Variants in MAP4K4 observed in about 807,000 individuals in gnomAD.
MAP4K4 encodes mitogen-activated protein kinase kinase kinase kinase 4.
In MAP4K4, 38 loss-of-function variants were observed where a neutral mutation model predicts 189.6. The ratio of observed to expected loss-of-function variants is 0.20; its 90% CI spans 0.15 to 0.26. The LOEUF is 0.26. MAP4K4 is among the 10% of genes least tolerant of loss of function. The pLI, the probability that MAP4K4 is intolerant of heterozygous loss-of-function variation, is 1.00. For missense variants in MAP4K4, 1,054 were observed against 1,726.9 expected (o/e 0.61, Z 6.91); for synonymous variants, 610 against 624.3 (o/e 0.98, Z 0.34).
At chr2:101,728,062 T>C (rs1336921397) in intron 2 of MAP4K4, among the ~76,000 whole-genome samples, 1 of 152,202 alleles carries the variant, frequency 6.6e-6, no homozygotes, top group Non-Finnish European at 1.5e-5. Context: ...CATGGCTTGC[T>C]CTCATTAAAT....
chr2:101,830,477 A>G (rs912879951), intron 6 of MAP4K4, among the ~76,000 whole-genome samples: 3 of 152,206 alleles, frequency 2.0e-5, no homozygotes, highest in Admixed American at 6.5e-5. Context: ...TTTTTCTTCC[A>G]CTAACACATC....
At chr2:101,725,589 G>A (rs979825584) in intron 2 of MAP4K4, among the ~76,000 whole-genome samples, 2 of 152,058 alleles carry the variant, frequency 1.3e-5, no homozygotes, top group African/African-American at 4.8e-5. Flanking sequence ...CCTCTGCCTT[G>A]GCTCTGTGTG....
chr2:101,870,181 C>A, intron 22 of MAP4K4, 114 bp from the exon 23 acceptor site: 1 of 1,088,556 alleles, frequency 9.2e-7, no homozygotes, highest in Non-Finnish European at 1.3e-6. Flanking sequence ...TTGGAGGAGG[C>A]TTTATATCGG....
chr2:101,742,874 CAGTTAT>C (rs1305312425), intron 2 of MAP4K4, among the ~76,000 whole-genome samples: 1 of 152,144 alleles, frequency 6.6e-6, no homozygotes, highest in Non-Finnish European at 1.5e-5. Flanking sequence ...CTAAGCATGT[CAGTTAT>C]AGTTTAGAAG....
chr2:101,798,726 T>G (rs1279862938), intron 3 of MAP4K4, among the ~76,000 whole-genome samples: 2 of 152,132 alleles, frequency 1.3e-5, no homozygotes, highest in East Asian at 3.8e-4. Flanking sequence ...TTAAATAGGG[T>G]GTTCCATTTT....
chr2:101,849,527 A>T (rs898536315), intron 12 of MAP4K4, among the ~76,000 whole-genome samples: 4 of 151,322 alleles, frequency 2.6e-5, no homozygotes, highest in African/African-American at 9.7e-5. Flanking sequence ...CATTTTGTTC[A>T]CAAGCCAACC....
chr2:101,892,765 A>G (rs1412917912), exon 33 of MAP4K4: 3 of 393,782 alleles, frequency 7.6e-6, no homozygotes, highest in Admixed American at 3.1e-5. Flanking sequence ...TACTTTATGA[A>G]TATATTCATG....
chr2:101,882,431 T>G, intron 27 of MAP4K4, 120 bp from the exon 28 acceptor site: 5 of 662,208 alleles, frequency 7.6e-6, no homozygotes, highest in Non-Finnish European at 1.2e-5. Flanking sequence ...ACTTGTGACT[T>G]GCCTTTCACT....
chr2:101,770,786 G>A (rs775346085), intron 2 of MAP4K4, among the ~76,000 whole-genome samples: 10 of 152,140 alleles, frequency 6.6e-5, no homozygotes, highest in Admixed American at 2.6e-4. Context: ...TGGCTGTCTT[G>A]TGTGGCAGCC....
chr2:101,734,139 C>G (rs1317154042), intron 2 of MAP4K4, among the ~76,000 whole-genome samples: 1 of 152,004 alleles, frequency 6.6e-6, no homozygotes, highest in Non-Finnish European at 1.5e-5. Flanking sequence ...GATTGCTTAT[C>G]CATTATACAG....
chr2:101,893,453 T>C (rs1436219356), exon 33 of MAP4K4: 1 of 343,672 alleles, frequency 2.9e-6, no homozygotes, highest in African/African-American at 2.1e-5. Flanking sequence ...GGACTTTAGT[T>C]AGAATTAAAT....
intron 15 of MAP4K4, 90 bp downstream of exon 15, chr2:101,859,954 C>A: frequency 7.8e-7 from 1 of 1,282,652 alleles, no homozygotes; most frequent in Non-Finnish European, 1.1e-6. Context: ...TAGAACGGGC[C>A]ATAGAGTTTA....
At chr2:101,715,326 C>CA (rs1021387763) in intron 2 of MAP4K4, among the ~76,000 whole-genome samples, 1 of 152,196 alleles carries the variant, frequency 6.6e-6, no homozygotes, top group Non-Finnish European at 1.5e-5. Context: ...TTCTAAGTCT[C>CA]AATCACTTTC....
chr2:101,888,980 A>T, intron 32 of MAP4K4, 45 bp downstream of exon 32: 1 of 1,506,328 alleles, frequency 6.6e-7, no homozygotes, highest in East Asian at 2.3e-5. Flanking sequence ...CTATCTTTTA[A>T]TAATGGCTTG....
At chr2:101,698,227 C>T in intron 1 of MAP4K4, 90 bp downstream of exon 1, 1 of 506,924 alleles carries the variant, frequency 2.0e-6, no homozygotes, top group Non-Finnish European at 2.6e-6. Context: ...CGCTCGGGCG[C>T]CGCCGTGGGC....
intron 9 of MAP4K4, among the ~76,000 whole-genome samples, chr2:101,838,219 C>T (rs1333197004): frequency 6.6e-6 from 1 of 152,192 alleles, no homozygotes; most frequent in Non-Finnish European, 1.5e-5. Context: ...ATGGCTCCAA[C>T]CTCAAAGTTT....
intron 7 of MAP4K4, 42 bp downstream of exon 7, chr2:101,831,893 C>T: frequency 6.2e-7 from 1 of 1,603,420 alleles, no homozygotes; most frequent in Non-Finnish European, 8.5e-7. Flanking sequence ...GGGCCACTGG[C>T]ATACCCGAGG....
intron 12 of MAP4K4, among the ~76,000 whole-genome samples, chr2:101,849,333 T>G (rs2097206261): frequency 6.6e-6 from 1 of 152,110 alleles, no homozygotes; most frequent in African/African-American, 2.4e-5. Flanking sequence ...TCACCATTGT[T>G]GGCCAGGCTT....
intron 12 of MAP4K4, among the ~76,000 whole-genome samples, chr2:101,846,816 T>C (rs2097124829): frequency 6.6e-6 from 1 of 152,122 alleles, no homozygotes; most frequent in Non-Finnish European, 1.5e-5. Flanking sequence ...CTGGTTTGGA[T>C]TTTTGGTCAG....
Sources: gnomAD v4.1 joint callset for allele counts (sites outside exome capture counted in the v4.1 genomes callset) on GRCh38, gnomAD v4.1.1 for gene constraint, MANE v1.5 for transcripts, NCBI Gene and HGNC (gene_info 2026-07-23, HGNC 2026-07-21) for gene names.